The following CADM2 variants were observed in gnomAD, a reference collection of about 807,000 sequenced individuals.
CADM2 encodes immunoglobulin superfamily member 4D.
In CADM2, 12 loss-of-function variants were observed where a neutral mutation model predicts 49.8. The ratio of observed to expected loss-of-function variants is 0.24; its 90% confidence interval spans 0.15 to 0.39. The LOEUF (loss-of-function observed/expected upper bound fraction) is 0.39, where lower values mean the gene tolerates loss of function less well. Ranked by LOEUF, CADM2 falls within the 10% of genes least tolerant of loss-of-function variation. The pLI is 1.00. For missense variants in CADM2, 378 were observed against 492.3 expected, an observed-to-expected ratio of 0.77 and a Z score of 2.20; for synonymous variants, 214 against 175.4, an observed-to-expected ratio of 1.22 and a Z score of -1.74.
chr3:85,104,307 C>G (rs1301499146), intron 1 of CADM2, among the ~76,000 whole-genome samples: 1 of 151,060 alleles, frequency 6.6e-6, no homozygotes, highest in Non-Finnish European at 1.5e-5. Context: ...AATAGGGAAT[C>G]CTTTCCCCAT....
intron 1 of CADM2, among the ~76,000 whole-genome samples, chr3:85,038,104 G>GTGA (rs1390379212): frequency 6.6e-6 from 1 of 152,092 alleles, no homozygotes; most frequent in African/African-American, 2.4e-5. Flanking sequence ...ACTTAGTTAA[G>GTGA]TGATGATTCC....
intron 1 of CADM2, among the ~76,000 whole-genome samples, chr3:85,208,824 G>C (rs1380780933): frequency 6.6e-6 from 1 of 152,096 alleles, no homozygotes; most frequent in Non-Finnish European, 1.5e-5. Context: ...GGAACAACAA[G>C]CATATCCAAT....
chr3:85,979,321 T>G (rs780768584), intron 8 of CADM2: 2 of 1,600,706 alleles, frequency 1.2e-6, no homozygotes, highest in Non-Finnish European at 8.5e-7. Context: ...GGAAAGCACA[T>G]TAACTGGAGC....
At chr3:85,865,904 G>A (rs868473050) in intron 3 of CADM2, among the ~76,000 whole-genome samples, 5 of 152,148 alleles carry the variant, frequency 3.3e-5, no homozygotes, top group Admixed American at 2.6e-4. Context: ...AGTGAGAGTG[G>A]AAAGCAACAT....
chr3:85,537,609 TATTTA>T (rs2061453617), intron 1 of CADM2, among the ~76,000 whole-genome samples: 1 of 42,286 alleles, frequency 2.4e-5, no homozygotes, highest in South Asian at 7.8e-4. Context: ...TAGATTATGC[TATTTA>T]ACATGTCATG....
intron 1 of CADM2, among the ~76,000 whole-genome samples, chr3:85,472,891 T>TC (rs1338717390): frequency 1.3e-5 from 2 of 152,100 alleles, no homozygotes; most frequent in African/African-American, 4.8e-5. Context: ...AATGTAGTCT[T>TC]CTGTTCTATT....
chr3:85,945,725 A>G (rs1722596940), intron 7 of CADM2, among the ~76,000 whole-genome samples: 1 of 152,188 alleles, frequency 6.6e-6, no homozygotes, highest in Non-Finnish European at 1.5e-5. Context: ...ATAAAATTCA[A>G]CAGCCCTTCA....
At chr3:85,959,183 A>G (rs1363759371) in intron 7 of CADM2, among the ~76,000 whole-genome samples, 1 of 118,808 alleles carries the variant, frequency 8.4e-6, no homozygotes, top group Non-Finnish European at 1.8e-5. Context: ...TGTCTCACAA[A>G]GGCAACTGAT....
chr3:85,837,103 T>G (rs2074445220), intron 3 of CADM2, among the ~76,000 whole-genome samples: 1 of 151,598 alleles, frequency 6.6e-6, no homozygotes, highest in African/African-American at 2.4e-5. Context: ...GAGATATGAT[T>G]AGGAATGTGT....
intron 1 of CADM2, among the ~76,000 whole-genome samples, chr3:85,628,542 C>CAT (rs1298303991): frequency 1.8e-4 from 7 of 38,974 alleles, no homozygotes; most frequent in African/African-American, 9.7e-4. Flanking sequence ...TATATATACA[C>CAT]ATATATATAC....
intron 6 of CADM2, among the ~76,000 whole-genome samples, chr3:85,912,961 A>T (rs1238281609): frequency 6.6e-6 from 1 of 152,162 alleles, no homozygotes; most frequent in Non-Finnish European, 1.5e-5. Context: ...GACTAGTTTT[A>T]CCTTCTCTAT....
chr3:85,380,421 A>G (rs1277777095), intron 1 of CADM2, among the ~76,000 whole-genome samples: 1 of 152,012 alleles, frequency 6.6e-6, no homozygotes, highest in Non-Finnish European at 1.5e-5. Context: ...TTTTAACACA[A>G]TCTTAGAGTG....
Position 85,962,753 on chromosome 3 carries a change from G to A in CADM2, c.970+1106G>A, listed in dbSNP as rs1724994776. The stretch of plus-strand genomic sequence containing the variant: ...TAGGAAGAGCCATTAGCCAATGTAA[G>A]ATTTTCATCATATTTCACCAAGAAA... On this transcript the variant is annotated intron_variant, in intron 8 of 9. Coordinates refer to ENST00000383699, the MANE Select transcript of CADM2 (RefSeq NM_001167675.2). 2.0e-5 allele frequency among the ~76,000 whole-genome samples: 3 copies of A among 151,854 alleles called. No homozygotes were observed. The South Asian group carries it at 6.2e-4, about 31-fold the overall frequency.
chr3:86,033,835 CTGA>C (rs1027254025), intron 8 of CADM2, among the ~76,000 whole-genome samples: 4 of 146,658 alleles, frequency 2.7e-5, no homozygotes, highest in Admixed American at 1.4e-4. Context: ...TATTTATATA[CTGA>C]TGATAATTAT....
At chr3:85,179,652 C>T (rs185500478) in intron 1 of CADM2, among the ~76,000 whole-genome samples, 19 of 152,064 alleles carry the variant, frequency 1.2e-4, no homozygotes, top group Admixed American at 7.2e-4. Context: ...GAGGAAGTAT[C>T]TATTTCAAAT....
chr3:85,236,388 G>A (rs535277928), intron 1 of CADM2, among the ~76,000 whole-genome samples: 1 of 152,052 alleles, frequency 6.6e-6, no homozygotes, highest in African/African-American at 2.4e-5. Context: ...AATACAAAAT[G>A]AGAGTAATAA....
Position 85,187,370 on chromosome 3 carries a change from T to C in CADM2, c.61+227702T>C, listed in dbSNP as rs548204149. ...AAACAATATAATATTAATGATTTTT[T>C]CCAAACATGTTTTATATTCTTGCGA... On this transcript the variant is annotated intron_variant, in intron 1 of 9. Transcript: ENST00000383699. 2.0e-5 allele frequency among the ~76,000 whole-genome samples: 3 copies of C among 152,274 alleles called. No homozygotes were observed. In the South Asian group the frequency reaches 6.2e-4, roughly 32 times the overall value.
At chr3:85,611,708 CTTTT>C (rs201572143) in intron 1 of CADM2, among the ~76,000 whole-genome samples, 117 of 146,922 alleles carry the variant, frequency 8.0e-4, no homozygotes, top group Admixed American at 7.5e-4. Flanking sequence ...CAGAGGAATA[CTTTT>C]TTTTTTTTTT....
chr3:85,356,743 T>G (rs998457836), intron 1 of CADM2, among the ~76,000 whole-genome samples: 3 of 152,166 alleles, frequency 2.0e-5, no homozygotes, highest in African/African-American at 7.2e-5. Context: ...TACATTTGAA[T>G]TTTTATAACT....
Sources: allele counts gnomAD v4.1 joint callset (sites outside exome capture counted in the v4.1 genomes callset), GRCh38; gene constraint gnomAD v4.1.1; transcripts MANE v1.5; gene names NCBI Gene and HGNC (gene_info 2026-07-23, HGNC 2026-07-21).